FGF7: variants seen among roughly 807,000 people sequenced by gnomAD.
FGF7 encodes fibroblast growth factor 7.
In FGF7, 6 loss-of-function variants were observed where a neutral mutation model predicts 20.5. The observed-to-expected ratio is 0.29, with a 90% CI of 0.16 to 0.58. The LOEUF is 0.58. Among genes scored for constraint, FGF7 ranks in the 20% least tolerant of loss-of-function variants. FGF7 has a pLI of 0.90. For missense variants in FGF7, 144 were observed against 228.8 expected, an observed-to-expected ratio of 0.63 and a Z score of 2.39; for synonymous variants, 64 against 74.7, an observed-to-expected ratio of 0.86 and a Z score of 0.74.
intron 2 of FGF7, among the ~76,000 whole-genome samples, chr15:49,461,517 TCTC>T (rs1195540409): frequency 6.6e-6 from 1 of 152,204 alleles, no homozygotes; most frequent in Non-Finnish European, 1.5e-5. Context: ...GCTCTATACT[TCTC>T]CTACTTACTG....
chr15:49,460,646 C>A (rs1446025821), intron 2 of FGF7, among the ~76,000 whole-genome samples: 1 of 152,160 alleles, frequency 6.6e-6, no homozygotes, highest in African/African-American at 2.4e-5. Context: ...TTAACCCACA[C>A]ACATTGTATT....
At chr15:49,470,050 TTTA>T (rs2054598543) in intron 2 of FGF7, among the ~76,000 whole-genome samples, 1 of 152,180 alleles carries the variant, frequency 6.6e-6, no homozygotes, top group African/African-American at 2.4e-5. Flanking sequence ...TCTGGTAAAA[TTTA>T]AGCCCTGCAT....
chr15:49,445,358 G>GA (rs2052095027), intron 2 of FGF7, among the ~76,000 whole-genome samples: 1 of 151,538 alleles, frequency 6.6e-6, no homozygotes, highest in Non-Finnish European at 1.5e-5. Context: ...ACTTATAAGT[G>GA]AAAACATGCA....
chr15:49,436,032 G>A (rs983728489), intron 2 of FGF7, among the ~76,000 whole-genome samples: 2 of 151,354 alleles, frequency 1.3e-5, no homozygotes, highest in African/African-American at 4.8e-5. Context: ...CTGTAAGCTT[G>A]CAATTACACA....
chr15:49,484,488 C>G lies in FGF7; in HGVS notation c.569C>G (p.Pro190Arg), dbSNP rs779955446. ...GAACAAAAAACAGCCCACTTTCTTC[C>G]TATGGCAATAACTTAATTGCATATG... ...KKEQKTAHFL[P>R]MAIT Residue 190 changes from proline to arginine, a missense_variant, in exon 4 of 4, where the codon CCT (proline) becomes CGT (arginine). Physicochemically the swap from Pro to Arg is moderately radical, Grantham distance 103. Around this residue, in one of 2 missense-constraint regions of FGF7, gnomAD observed 56 missense variants for 125.4 expected, o/e 0.45. Transcript: ENST00000267843. 6.5e-7 allele frequency: 1 copy of G among 1,549,200 alleles called. No homozygotes were observed. The highest frequency in any genetic ancestry group is 1.2e-5 in the South Asian group (1 of 84,650).
chr15:49,477,452 G>T (rs2055449219), intron 2 of FGF7, among the ~76,000 whole-genome samples: 1 of 152,140 alleles, frequency 6.6e-6, no homozygotes, highest in African/African-American at 2.4e-5. Flanking sequence ...TTTCAGACTG[G>T]TTTCTTTCAC....
intron 2 of FGF7, among the ~76,000 whole-genome samples, chr15:49,429,688 C>T (rs1270524392): frequency 6.6e-6 from 1 of 151,852 alleles, no homozygotes; most frequent in African/African-American, 2.4e-5. Context: ...ATGCCAGTTT[C>T]CACCCACAAA....
At chr15:49,469,725 T>C (rs1007234281) in intron 2 of FGF7, among the ~76,000 whole-genome samples, 2 of 152,136 alleles carry the variant, frequency 1.3e-5, no homozygotes, top group African/African-American at 4.8e-5. Context: ...TGAAATAATC[T>C]TCATTATCAA....
At chr15:49,438,717 C>A (rs2899437) in intron 2 of FGF7, among the ~76,000 whole-genome samples, 134,765 of 151,596 alleles carry the variant, frequency 0.89, 61,762 homozygotes, top group Non-Finnish European at 0.99. Flanking sequence ...ATAGTTGACT[C>A]TCCTAGGCCT....
At chr15:49,431,314 T>C (rs1367504197) in intron 2 of FGF7, among the ~76,000 whole-genome samples, 1 of 151,870 alleles carries the variant, frequency 6.6e-6, no homozygotes, top group African/African-American at 2.4e-5. Flanking sequence ...AAGTTTTTTA[T>C]CTGCATTTGA....
At chr15:49,445,327 A>G (rs2052090616) in intron 2 of FGF7, among the ~76,000 whole-genome samples, 1 of 151,576 alleles carries the variant, frequency 6.6e-6, no homozygotes, top group Non-Finnish European at 1.5e-5. Context: ...TAAGTCCATG[A>G]GTATTCAATG....
At chr15:49,443,225 A>C (rs986190548) in intron 2 of FGF7, among the ~76,000 whole-genome samples, 3 of 151,714 alleles carry the variant, frequency 2.0e-5, no homozygotes, top group African/African-American at 7.3e-5. Context: ...GAATGAAATA[A>C]ATTACATTAA....
At chr15:49,437,712 A>C (rs760197575) in intron 2 of FGF7, among the ~76,000 whole-genome samples, 1 of 151,716 alleles carries the variant, frequency 6.6e-6, no homozygotes, top group Non-Finnish European at 1.5e-5. Flanking sequence ...TGCAATATTT[A>C]CTGAGCATAT....
intron 2 of FGF7, among the ~76,000 whole-genome samples, chr15:49,475,028 G>T (rs2151980693): frequency 6.6e-6 from 1 of 152,066 alleles, no homozygotes; most frequent in East Asian, 1.9e-4. Flanking sequence ...TCAGACAATG[G>T]TATGGAAAAC....
intron 2 of FGF7, among the ~76,000 whole-genome samples, chr15:49,444,169 T>C (rs140867784): frequency 9.2e-5 from 14 of 151,720 alleles, no homozygotes; most frequent in African/African-American, 3.4e-4. Context: ...ATGAGAACCA[T>C]ATGTACTATT....
At chr15:49,436,997 G>A (rs915105949) in intron 2 of FGF7, among the ~76,000 whole-genome samples, 19 of 151,466 alleles carry the variant, frequency 1.3e-4, no homozygotes, top group African/African-American at 4.4e-4. Context: ...CTGAGAAGGC[G>A]TAGCAACCTT....
intron 2 of FGF7, among the ~76,000 whole-genome samples, chr15:49,434,839 A>G (rs2050943818): frequency 6.6e-6 from 1 of 151,330 alleles, no homozygotes; most frequent in South Asian, 2.1e-4. Flanking sequence ...AATAATTAAT[A>G]AAAAACTAAT....
intron 2 of FGF7, among the ~76,000 whole-genome samples, chr15:49,429,258 C>T (rs2050386998): frequency 6.6e-6 from 1 of 151,970 alleles, no homozygotes; most frequent in South Asian, 2.1e-4. Flanking sequence ...AACTGGTGAC[C>T]CGCATTCCCT....
chr15:49,447,521 T>C (rs16962483), intron 2 of FGF7, among the ~76,000 whole-genome samples: 2,616 of 151,800 alleles, frequency 0.017, 93 homozygotes, highest in African/African-American at 0.06. Context: ...TGTGATTTAA[T>C]TACTAAGTCT....
Sources: gnomAD v4.1 joint callset for allele counts (sites outside exome capture counted in the v4.1 genomes callset) on GRCh38, gnomAD v4.1.1 for gene constraint, gnomAD v4.1.1 regional missense constraint, MANE v1.5 for transcripts, NCBI Gene and HGNC (gene_info 2026-07-23, HGNC 2026-07-21) for gene names.